CAMKMT: variants seen among roughly 807,000 people sequenced by gnomAD.
CAMKMT encodes the protein calmodulin-lysine N-methyltransferase.
In CAMKMT, 53 loss-of-function variants were observed where a neutral mutation model predicts 48.0. The observed-to-expected ratio is 1.10, with a 90% confidence interval of 0.89 to 1.39. CAMKMT has a LOEUF of 1.39. Ranked by LOEUF, CAMKMT falls within the 40% of genes most tolerant of loss-of-function variation. CAMKMT has a pLI of 0.00. For synonymous variants in CAMKMT, 165 were observed against 152.3 expected (o/e 1.08, Z -0.61); for missense variants, 428 against 402.7 (o/e 1.06, Z -0.54).
At chr2:44,435,884 C>T (rs1220790562) in intron 3 of CAMKMT, among the ~76,000 whole-genome samples, 1 of 152,122 alleles carries the variant, frequency 6.6e-6, no homozygotes, top group East Asian at 1.9e-4. Flanking sequence ...TGGAGCACGA[C>T]ATAATAATGG....
intron 3 of CAMKMT, among the ~76,000 whole-genome samples, chr2:44,497,157 T>G (rs557658289): frequency 6.6e-6 from 1 of 152,220 alleles, no homozygotes; most frequent in African/African-American, 2.4e-5. Flanking sequence ...ATTTCGTACA[T>G]CTGCAAAAAT....
Position 44,614,953 on chromosome 2 carries a change from T to TTTTTTTTTTTTTTTTTTTTTTTTC in CAMKMT, c.377-89323_377-89322insTTTTTTTTTTTTTTTTCTTTTTTT, listed in dbSNP as rs1459090690. On this transcript the variant is annotated intron_variant, in intron 3 of 10. Coordinates refer to ENST00000378494, the MANE Select transcript of CAMKMT (RefSeq NM_024766.5). ...TCTCCTTGCTTTTTTTTTTTTTTTT[T>TTTTTTTTTTTTTTTTTTTTTTTTC]TTTTTTTGAGACAGGGTCTTGCTCT... Among the ~76,000 whole-genome samples, 2 of 133,418 alleles carry TTTTTTTTTTTTTTTTTTTTTTTTC rather than the reference T, an allele frequency of 1.5e-5. 1 individual carries two copies. Among genetic ancestry groups the TTTTTTTTTTTTTTTTTTTTTTTTC allele is most frequent in the African/African-American group, 6.0e-5 (2 of 33,218 alleles). The allele number at this position is 133,418 out of a possible 152,430, so 87.5% of individuals were successfully genotyped here.
intron 3 of CAMKMT, among the ~76,000 whole-genome samples, chr2:44,689,717 C>G (rs1389865480): frequency 2.0e-5 from 3 of 152,198 alleles, no homozygotes; most frequent in African/African-American, 7.2e-5. Context: ...CATGCTTCTT[C>G]TCACTTTCTG....
chr2:44,755,221 C>T (rs1680321931), intron 9 of CAMKMT, among the ~76,000 whole-genome samples: 1 of 152,074 alleles, frequency 6.6e-6, no homozygotes, highest in Non-Finnish European at 1.5e-5. Context: ...GTAGTCAGTC[C>T]AATTCAATTG....
intron 3 of CAMKMT, among the ~76,000 whole-genome samples, chr2:44,457,519 C>T (rs1667628430): frequency 6.6e-6 from 1 of 151,990 alleles, no homozygotes; most frequent in Non-Finnish European, 1.5e-5. Context: ...CCACCTCAGC[C>T]TCCCGAGTAG....
At chr2:44,734,065 C>T (rs1679224983) in intron 7 of CAMKMT, among the ~76,000 whole-genome samples, 1 of 151,114 alleles carries the variant, frequency 6.6e-6, no homozygotes. Flanking sequence ...CCTTTTTATT[C>T]ACTTCTGCTC....
At chr2:44,580,441 C>A (rs1388685831) in intron 3 of CAMKMT, among the ~76,000 whole-genome samples, 1 of 152,036 alleles carries the variant, frequency 6.6e-6, no homozygotes, top group Non-Finnish European at 1.5e-5. Context: ...ACCATGGTCA[C>A]AGGACTGAAT....
chr2:44,707,993 A>G (rs550913172), intron 6 of CAMKMT, among the ~76,000 whole-genome samples: 1 of 152,230 alleles, frequency 6.6e-6, no homozygotes. Context: ...ATTTAGGATT[A>G]TACAAGCTAT....
At chr2:44,740,124 A>ATT (rs753300790) in intron 7 of CAMKMT, among the ~76,000 whole-genome samples, 222 of 120,176 alleles carry the variant, frequency 1.8e-3, no homozygotes, top group East Asian at 8.9e-3. Context: ...TGATTGCTGC[A>ATT]TTTTTTTTTT....
intron 3 of CAMKMT, among the ~76,000 whole-genome samples, chr2:44,425,541 A>C (rs2104521605): frequency 6.6e-6 from 1 of 152,348 alleles, no homozygotes; most frequent in East Asian, 1.9e-4. Flanking sequence ...TCATATATTT[A>C]TAAGAAAATT....
chr2:44,727,224 TACA>T (rs1558821229), intron 7 of CAMKMT, among the ~76,000 whole-genome samples: 1 of 152,228 alleles, frequency 6.6e-6, no homozygotes, highest in Non-Finnish European at 1.5e-5. Flanking sequence ...TGGCCATTTT[TACA>T]ACATTGATTC....
chr2:44,643,509 G>A (rs771866586), intron 3 of CAMKMT, among the ~76,000 whole-genome samples: 25 of 152,058 alleles, frequency 1.6e-4, no homozygotes, highest in Non-Finnish European at 2.9e-4. Context: ...GAGCTAGATC[G>A]GTAAAGATGA....
At chr2:44,402,048 C>T (rs1315647506) in intron 3 of CAMKMT, among the ~76,000 whole-genome samples, 3 of 152,146 alleles carry the variant, frequency 2.0e-5, no homozygotes, top group Non-Finnish European at 4.4e-5. Flanking sequence ...TAGAATTGGC[C>T]GGGCGCGGTG....
At chr2:44,531,701 A>G (rs914980282) in intron 3 of CAMKMT, among the ~76,000 whole-genome samples, 1 of 152,154 alleles carries the variant, frequency 6.6e-6, no homozygotes, top group African/African-American at 2.4e-5. Context: ...ACAAATCTGC[A>G]TCTGTTTTAC....
At chr2:44,425,983 G>A (rs1028096181) in intron 3 of CAMKMT, among the ~76,000 whole-genome samples, 8 of 152,074 alleles carry the variant, frequency 5.3e-5, no homozygotes, top group African/African-American at 1.7e-4. Context: ...CACCCGCCTT[G>A]GCCTCCCAAA....
At position 44,767,716 on chromosome 2, in the gene CAMKMT, G is replaced by A. The variant is rs562637727; in HGVS notation, c.894+1155G>A. Among the ~76,000 whole-genome samples the A allele has an allele frequency of 5.9e-4, 90 of 152,130 alleles. No individual in the cohort carries two copies. In the South Asian group the frequency reaches 0.018, roughly 31 times the overall value. ...ATCTTACCAGCCTCTCTAGAATGAT[G>A]TTTTCCCCTTTTCAATCCCTCCCCC... On this transcript the variant is annotated intron_variant, in intron 10 of 10. Transcript: ENST00000378494.
intron 3 of CAMKMT, among the ~76,000 whole-genome samples, chr2:44,419,935 C>G (rs935253733): frequency 1.3e-5 from 2 of 152,230 alleles, no homozygotes; most frequent in African/African-American, 4.8e-5. Flanking sequence ...AGTCGTCTCA[C>G]AGTCATTAGA....
At chr2:44,529,761 C>CAAAT (rs1054192410) in intron 3 of CAMKMT, among the ~76,000 whole-genome samples, 8 of 152,174 alleles carry the variant, frequency 5.3e-5, no homozygotes, top group African/African-American at 1.9e-4. Flanking sequence ...TCCTAAGTGT[C>CAAAT]AAATTGCTGA....
chr2:44,626,567 A>C (rs973214924), intron 3 of CAMKMT, among the ~76,000 whole-genome samples: 1 of 152,214 alleles, frequency 6.6e-6, no homozygotes, highest in African/African-American at 2.4e-5. Context: ...TCAAGGCACC[A>C]GCAGATTAGG....
Sources: gnomAD v4.1 joint callset for allele counts (sites outside exome capture counted in the v4.1 genomes callset) on GRCh38, gnomAD v4.1.1 for gene constraint, MANE v1.5 for transcripts, NCBI Gene and HGNC (gene_info 2026-07-23, HGNC 2026-07-21) for gene names.